Variants in HCN1 observed in about 807,000 individuals in gnomAD.
HCN1 encodes the protein hyperpolarization activated cyclic nucleotide gated potassium channel 1, also known as potassium/sodium hyperpolarization-activated cyclic nucleotide-gated channel 1.
Under a neutral mutation model 78.9 loss-of-function variants are expected in HCN1, and 13 were observed. The ratio of observed to expected loss-of-function variants is 0.16; its 90% CI spans 0.11 to 0.26. HCN1 has a LOEUF of 0.26. HCN1 is among the 10% of genes least tolerant of loss of function. The probability of loss-of-function intolerance (pLI) is 1.00; values close to 1 mark genes in which losing one functional copy is unlikely to be tolerated. For synonymous variants in HCN1, 552 were observed against 455.5 expected, an observed-to-expected ratio of 1.21 and a Z score of -2.70; for missense variants, 810 against 1,154.3, an observed-to-expected ratio of 0.70 and a Z score of 4.32.
intron 4 of HCN1, among the ~76,000 whole-genome samples, chr5:45,378,659 C>T (rs1747740179): frequency 6.6e-6 from 1 of 152,096 alleles, no homozygotes; most frequent in Non-Finnish European, 1.5e-5. Flanking sequence ...TTCTAGGGTA[C>T]ATGTGCACAA....
chr5:45,461,441 A>G (rs747740112), intron 3 of HCN1, among the ~76,000 whole-genome samples: 4 of 152,116 alleles, frequency 2.6e-5, no homozygotes, highest in Non-Finnish European at 4.4e-5. Flanking sequence ...CTGCCTTTGC[A>G]TGTTTTACAA....
chr5:45,317,271 C>A (rs1162365989), intron 5 of HCN1, among the ~76,000 whole-genome samples: 2 of 152,134 alleles, frequency 1.3e-5, no homozygotes, highest in African/African-American at 2.4e-5. Flanking sequence ...CACACATCTA[C>A]AACCATCTGA....
intron 4 of HCN1, among the ~76,000 whole-genome samples, chr5:45,391,798 C>A (rs1739564295): frequency 6.6e-6 from 1 of 151,992 alleles, no homozygotes; most frequent in Admixed American, 6.6e-5. Flanking sequence ...TGTGTTCAAG[C>A]AAAATAAAAA....
At chr5:45,547,470 A>G (rs1459836470) in intron 2 of HCN1, among the ~76,000 whole-genome samples, 1 of 151,922 alleles carries the variant, frequency 6.6e-6, no homozygotes, top group African/African-American at 2.4e-5. Context: ...ATACTAGCGG[A>G]GAGAGTCTGC....
At chr5:45,314,516 T>C (rs1745934174) in intron 5 of HCN1, among the ~76,000 whole-genome samples, 1 of 152,136 alleles carries the variant, frequency 6.6e-6, no homozygotes, top group South Asian at 2.1e-4. Flanking sequence ...ATAACAATAT[T>C]AACCTTAAAT....
At chr5:45,280,784 G>C (rs911877218) in intron 6 of HCN1, among the ~76,000 whole-genome samples, 3 of 152,100 alleles carry the variant, frequency 2.0e-5, no homozygotes, top group Non-Finnish European at 4.4e-5. Flanking sequence ...TGGGACATTT[G>C]CTTTAATTAT....
intron 4 of HCN1, among the ~76,000 whole-genome samples, chr5:45,373,992 TAATATATATTATATACATAATATATATTA>T (rs1747510376): frequency 9.6e-6 from 1 of 103,692 alleles, no homozygotes; most frequent in African/African-American, 4.7e-5. Context: ...ATAATATATA[TAATATATATTATATACATAATATATATTA>T]TATATATTAT....
At chr5:45,587,752 G>A (rs1388293166) in intron 2 of HCN1, among the ~76,000 whole-genome samples, 1 of 152,118 alleles carries the variant, frequency 6.6e-6, no homozygotes, top group African/African-American at 2.4e-5. Context: ...TAAAGACCCA[G>A]AACATATGTC....
At chr5:45,477,280 G>C (rs1741540600) in intron 2 of HCN1, among the ~76,000 whole-genome samples, 1 of 152,124 alleles carries the variant, frequency 6.6e-6, no homozygotes. Context: ...TCAAGTTTAA[G>C]AGACTAACAC....
chr5:45,531,410 A>G (rs1464582278), intron 2 of HCN1, among the ~76,000 whole-genome samples: 1 of 152,020 alleles, frequency 6.6e-6, no homozygotes, highest in Non-Finnish European at 1.5e-5. Flanking sequence ...CTCTGTTGCT[A>G]TTGCCATTAT....
chr5:45,619,031 T>G (rs1745010188), intron 2 of HCN1, among the ~76,000 whole-genome samples: 1 of 152,102 alleles, frequency 6.6e-6, no homozygotes, highest in Admixed American at 6.6e-5. Flanking sequence ...ATCTTATTCC[T>G]TCCTGGTATT....
At chr5:45,604,274 G>A (rs2111968704) in intron 2 of HCN1, among the ~76,000 whole-genome samples, 1 of 152,048 alleles carries the variant, frequency 6.6e-6, no homozygotes, top group South Asian at 2.1e-4. Context: ...GAGAAGATAA[G>A]CAAATTACCA....
chr5:45,264,002 C>G (rs561934764), intron 7 of HCN1, among the ~76,000 whole-genome samples: 10 of 152,078 alleles, frequency 6.6e-5, no homozygotes, highest in Admixed American at 1.3e-4. Context: ...ACCATGTTAG[C>G]CAGGATGGTC....
At chr5:45,409,734 T>C (rs1370095773) in intron 3 of HCN1, among the ~76,000 whole-genome samples, 1 of 152,000 alleles carries the variant, frequency 6.6e-6, no homozygotes, top group Non-Finnish European at 1.5e-5. Flanking sequence ...CTGACTTTTA[T>C]CCATCAATTC....
intron 2 of HCN1, among the ~76,000 whole-genome samples, chr5:45,536,442 G>A (rs1260611019): frequency 2.6e-5 from 4 of 151,896 alleles, no homozygotes; most frequent in Non-Finnish European, 5.9e-5. Context: ...TCCTGTCACC[G>A]CCAATCTTCT....
At chr5:45,427,649 G>A (rs1026603772) in intron 3 of HCN1, among the ~76,000 whole-genome samples, 2 of 152,054 alleles carry the variant, frequency 1.3e-5, no homozygotes, top group Non-Finnish European at 2.9e-5. Flanking sequence ...TCAATAATTA[G>A]TGTTGGTAAA....
chr5:45,614,671 C>T (rs561656574), intron 2 of HCN1, among the ~76,000 whole-genome samples: 1 of 152,116 alleles, frequency 6.6e-6, no homozygotes, highest in African/African-American at 2.4e-5. Flanking sequence ...ATGATTTCTC[C>T]TCTGCCTATT....
chr5:45,507,298 C>T (rs920325981), intron 2 of HCN1, among the ~76,000 whole-genome samples: 1 of 152,138 alleles, frequency 6.6e-6, no homozygotes, highest in Non-Finnish European at 1.5e-5. Context: ...TGGAGAGGAA[C>T]ACAGCCAAGT....
In HCN1 at chr5:45,376,770, G is replaced by A. The variant is rs149786527; in HGVS notation, c.1230+19722C>T. Among the ~76,000 whole-genome samples, 464 of 151,900 alleles carry A rather than the reference G, an allele frequency of 3.1e-3. 1 individual carries two copies. Among genetic ancestry groups the A allele is most frequent in the East Asian group, 0.012 (60 of 5,160 alleles). On this transcript the variant is annotated intron_variant, in intron 4 of 7. Transcript: ENST00000303230. ...TTGTGTCACTGGGATTCTGAACCATGTATTTTATACATAGAACACATGCTC... is the reference window on the plus strand; with the variant it reads ...TTGTGTCACTGGGATTCTGAACCATATATTTTATACATAGAACACATGCTC...
Sources: gnomAD v4.1 joint callset for allele counts (sites outside exome capture counted in the v4.1 genomes callset) on GRCh38, gnomAD v4.1.1 for gene constraint, MANE v1.5 for transcripts, NCBI Gene and HGNC (gene_info 2026-07-23, HGNC 2026-07-21) for gene names.